Variants in XKR4 observed in about 807,000 individuals in gnomAD.
XKR4 encodes the protein XK related 4, also known as XK-related protein 4.
XKR4 carries 12 observed loss-of-function variants against 53.9 expected under a neutral mutation model. The ratio of observed to expected loss-of-function variants is 0.22; its 90% CI spans 0.14 to 0.36. XKR4 has a LOEUF of 0.36. Among genes scored for constraint, XKR4 ranks in the 10% least tolerant of loss-of-function variants. The pLI is 1.00. For missense variants in XKR4, 799 were observed against 859.5 expected (o/e 0.93, Z 0.88); for synonymous variants, 354 against 362.4 (o/e 0.98, Z 0.26).
chr8:55,307,618 C>A (rs539475695), intron 1 of XKR4, among the ~76,000 whole-genome samples: 2 of 152,184 alleles, frequency 1.3e-5, no homozygotes, highest in South Asian at 4.2e-4. Flanking sequence ...TGTACCACTG[C>A]ATTCCAGCCT....
chr8:55,220,532 G>A (rs908883159), intron 1 of XKR4, among the ~76,000 whole-genome samples: 1 of 152,224 alleles, frequency 6.6e-6, no homozygotes, highest in Non-Finnish European at 1.5e-5. Flanking sequence ...AAAGCCCACA[G>A]CTCCTGAGCC....
intron 1 of XKR4, among the ~76,000 whole-genome samples, chr8:55,263,754 A>G (rs991113022): frequency 9.9e-5 from 15 of 152,220 alleles, no homozygotes; most frequent in African/African-American, 3.6e-4. Context: ...GTCATTTAAC[A>G]TAGGGTCAAC....
chr8:55,539,971 G>A lies in XKR4; in HGVS notation c.*15744G>A, dbSNP rs1161465873. On this transcript the variant is annotated 3_prime_UTR_variant, in exon 3 of 3. Coordinates refer to ENST00000327381, the MANE Select transcript of XKR4 (RefSeq NM_052898.2). ...TTAGAGCTGGACAACCCTTTGAAAT[G>A]ACAGAGTCTAGATTCTTCACCAAAC... 1 of 152,110 alleles carries A rather than the reference G, an allele frequency of 6.6e-6. No individual in the cohort carries two copies. Among genetic ancestry groups the A allele is most frequent in the Non-Finnish European group, 1.5e-5 (1 of 68,026 alleles). The allele number at this position is 152,110 out of a possible 1,614,324, so 9.4% of individuals were successfully genotyped here.
chr8:55,294,587 CAAGAGGGGCAATT>C (rs1475550778), intron 1 of XKR4, among the ~76,000 whole-genome samples: 1 of 152,176 alleles, frequency 6.6e-6, no homozygotes. Flanking sequence ...TGGATGGCAT[CAAGAGGGGCAATT>C]AACTGCTGAC....
chr8:55,324,200 A>C (rs1162572597), intron 1 of XKR4, among the ~76,000 whole-genome samples: 1 of 152,114 alleles, frequency 6.6e-6, no homozygotes, highest in African/African-American at 2.4e-5. Context: ...AACTCAAGCA[A>C]TCCTCCCACC....
chr8:55,396,399 GTTTTT>G (rs71256534), intron 2 of XKR4, among the ~76,000 whole-genome samples: 16 of 88,750 alleles, frequency 1.8e-4, no homozygotes, highest in Admixed American at 1.5e-4. Flanking sequence ...TTTTTGTTTG[GTTTTT>G]TTTTTTTTTT....
intron 2 of XKR4, among the ~76,000 whole-genome samples, chr8:55,518,532 G>A (rs924186289): frequency 6.6e-6 from 1 of 152,132 alleles, no homozygotes; most frequent in Non-Finnish European, 1.5e-5. Flanking sequence ...ACAAAATGAA[G>A]CATAATTATA....
At chr8:55,400,429 G>A (rs114223547) in intron 2 of XKR4, among the ~76,000 whole-genome samples, 2,186 of 152,248 alleles carry the variant, frequency 0.014, 49 homozygotes, top group African/African-American at 0.05. Context: ...TGGATCCTCC[G>A]AGGCAAGGAA....
intron 1 of XKR4, among the ~76,000 whole-genome samples, chr8:55,116,364 A>C (rs1360243555): frequency 2.0e-5 from 3 of 152,076 alleles, no homozygotes; most frequent in Non-Finnish European, 4.4e-5. Context: ...ACAATACAGA[A>C]AGAGTTCTGG....
chr8:55,115,054 G>A (rs960851660), intron 1 of XKR4, among the ~76,000 whole-genome samples: 1 of 152,164 alleles, frequency 6.6e-6, no homozygotes, highest in African/African-American at 2.4e-5. Flanking sequence ...CAAACTGTCA[G>A]CATCTCTTGG....
At chr8:55,470,677 C>CA (rs1423297002) in intron 2 of XKR4, among the ~76,000 whole-genome samples, 2 of 152,156 alleles carry the variant, frequency 1.3e-5, no homozygotes, top group Admixed American at 1.3e-4. Context: ...AAGGGACTTA[C>CA]ATGTCTTACA....
intron 2 of XKR4, among the ~76,000 whole-genome samples, chr8:55,520,531 A>G (rs1160654163): frequency 6.6e-6 from 1 of 152,194 alleles, no homozygotes; most frequent in Non-Finnish European, 1.5e-5. Context: ...GGCTACAGTA[A>G]GCTGAGATCG....
At chr8:55,264,135 G>A (rs1280302452) in intron 1 of XKR4, among the ~76,000 whole-genome samples, 3 of 152,114 alleles carry the variant, frequency 2.0e-5, no homozygotes, top group African/African-American at 4.8e-5. Flanking sequence ...TCTGGACTCA[G>A]GGCCTTGGCA....
intron 1 of XKR4, among the ~76,000 whole-genome samples, chr8:55,344,426 C>G (rs1041344884): frequency 6.6e-6 from 1 of 150,928 alleles, no homozygotes; most frequent in Non-Finnish European, 1.5e-5. Context: ...GTTGTGAGAA[C>G]AAATATTCTG....
chr8:55,292,733 A>G (rs975202214), intron 1 of XKR4, among the ~76,000 whole-genome samples: 3 of 152,040 alleles, frequency 2.0e-5, no homozygotes, highest in African/African-American at 7.2e-5. Flanking sequence ...ATGAATTGTT[A>G]ATTTGAGACT....
In XKR4 at chr8:55,536,903, G is replaced by A. The variant is rs1407214702; in HGVS notation, c.*12676G>A. 1 of 152,096 alleles carries A rather than the reference G, an allele frequency of 6.6e-6. No individual in the cohort carries two copies. The highest frequency in any genetic ancestry group is 1.5e-5 in the Non-Finnish European group (1 of 68,018). 9.4% of individuals were successfully genotyped at this position (152,096 alleles called of 1,614,324 possible). On this transcript the variant is annotated 3_prime_UTR_variant, in exon 3 of 3. Coordinates refer to ENST00000327381, the MANE Select transcript of XKR4 (RefSeq NM_052898.2). ...CTCTTCTGCTGTTCATATCATCTTA[G>A]TTATTCACAAAGTCTACTTGATAAA...
At chr8:55,493,021 C>G (rs564908949) in intron 2 of XKR4, among the ~76,000 whole-genome samples, 1 of 152,278 alleles carries the variant, frequency 6.6e-6, no homozygotes, top group East Asian at 1.9e-4. Context: ...AACAATGACT[C>G]TTTGGGTCTG....
rs111304325 is a variant in XKR4, at chr8:55,448,215, T to C, written c.1007-75066T>C. On this transcript the variant is annotated intron_variant, in intron 2 of 2. Transcript: ENST00000327381. ...AAGCCTGGCAATTTATTAAACTTCA[T>C]TTTATTCATATAAAATAGTCACTGC... Among the ~76,000 whole-genome samples, 990 of 152,366 alleles carry C rather than the reference T, an allele frequency of 6.5e-3. 10 individuals are homozygous for C. The highest frequency in any genetic ancestry group is 0.022 in the African/African-American group (926 of 41,580).
chr8:55,514,658 T>C (rs1336236227), intron 2 of XKR4, among the ~76,000 whole-genome samples: 2 of 152,222 alleles, frequency 1.3e-5, no homozygotes, highest in East Asian at 3.9e-4. Context: ...CCCCTGAAAG[T>C]AGAAAAGCAA....
Sources: gnomAD v4.1 joint callset for allele counts (sites outside exome capture counted in the v4.1 genomes callset) on GRCh38, gnomAD v4.1.1 for gene constraint, MANE v1.5 for transcripts, NCBI Gene and HGNC (gene_info 2026-07-23, HGNC 2026-07-21) for gene names.